OR51B5: variants seen among roughly 807,000 people sequenced by gnomAD.
The protein encoded by OR51B5 is olfactory receptor 51B5.
For synonymous variants in OR51B5, 186 were observed against 144.8 expected, an observed-to-expected ratio of 1.28 and a Z score of -2.04; for missense variants, 456 against 374.6, an observed-to-expected ratio of 1.22 and a Z score of -1.79.
rs1448786277 is a variant in OR51B5 at position 5,388,358 on chromosome 11, G to A, written n.85-41448C>T. On this transcript the variant is annotated intron_variant and non_coding_transcript_variant, in intron 1 of 4. Transcript: ENST00000415970. ...GGTAATTAGTGCATAGTGAACTACA[G>A]GAACACATAGGAGAGGGTATTCAAA... Among the ~76,000 whole-genome samples, 5 of 151,490 alleles carry A rather than the reference G, an allele frequency of 3.3e-5. 1 individual carries two copies. The highest frequency in any genetic ancestry group is 3.3e-4 in the Admixed American group (5 of 15,180).
intron 1 of OR51B5, chr11:5,441,212 G>C (rs1281700938): frequency 6.2e-7 from 1 of 1,613,876 alleles, no homozygotes; most frequent in Non-Finnish European, 8.5e-7. Context: ...AGAACATCTG[G>C]ACCAGGCAAG....
intron 1 of OR51B5, among the ~76,000 whole-genome samples, chr11:5,361,261 C>T (rs747175949): frequency 1.2e-4 from 19 of 152,168 alleles, no homozygotes; most frequent in African/African-American, 2.7e-4. Flanking sequence ...AATTCCCTAA[C>T]CTAGATGCAG....
chr11:5,366,228 G>C (rs1046619169), intron 1 of OR51B5, among the ~76,000 whole-genome samples: 4 of 152,094 alleles, frequency 2.6e-5, no homozygotes, highest in Non-Finnish European at 4.4e-5. Flanking sequence ...CAGTAGGAAA[G>C]TATAGAAGAC....
At chr11:5,340,637 A>G (rs914474319), downstream of OR51B5, 2 of 152,162 alleles carry the variant, frequency 1.3e-5, no homozygotes, top group African/African-American at 4.8e-5. Context: ...TAGGTACTAC[A>G]AGCATGACGG....
intron 1 of OR51B5, among the ~76,000 whole-genome samples, chr11:5,472,908 G>A (rs1469055501): frequency 6.6e-6 from 1 of 152,166 alleles, no homozygotes; most frequent in Non-Finnish European, 1.5e-5. Flanking sequence ...CAAATAAGGT[G>A]ACCATCCTTG....
At chr11:5,489,554 T>C in intron 1 of OR51B5, 1 of 1,614,012 alleles carries the variant, frequency 6.2e-7, no homozygotes, top group Non-Finnish European at 8.5e-7. Flanking sequence ...CTGGCTAATC[T>C]CTATGTGCTG....
At chr11:5,373,573 G>A (rs1849475605) in intron 1 of OR51B5, among the ~76,000 whole-genome samples, 1 of 152,084 alleles carries the variant, frequency 6.6e-6, no homozygotes, top group African/African-American at 2.4e-5. Context: ...TCCCTTTCCT[G>A]GTCAAGGAAA....
intron 1 of OR51B5, among the ~76,000 whole-genome samples, chr11:5,408,183 C>T (rs986817021): frequency 2.0e-5 from 3 of 152,124 alleles, no homozygotes; most frequent in African/African-American, 7.2e-5. Context: ...CAAGCTGCTT[C>T]ATCCATCTAT....
At chr11:5,478,397 C>T (rs980097922) in intron 1 of OR51B5, among the ~76,000 whole-genome samples, 16 of 150,908 alleles carry the variant, frequency 1.1e-4, no homozygotes, top group Non-Finnish European at 1.6e-4. Flanking sequence ...TAGATAAAAC[C>T]ACAAAGATGG....
intron 1 of OR51B5, among the ~76,000 whole-genome samples, chr11:5,480,751 A>C (rs1201416104): frequency 2.0e-5 from 3 of 149,636 alleles, no homozygotes. Context: ...TAAACTAGAA[A>C]ATCTAGAAGA....
At chr11:5,500,856 A>G (rs2133820363) in intron 1 of OR51B5, among the ~76,000 whole-genome samples, 1 of 148,330 alleles carries the variant, frequency 6.7e-6, no homozygotes, top group South Asian at 2.1e-4. Flanking sequence ...CTGTCATAGC[A>G]TGCATATCCC....
intron 1 of OR51B5, among the ~76,000 whole-genome samples, chr11:5,351,277 G>A (rs1849081030): frequency 6.6e-6 from 1 of 152,158 alleles, no homozygotes; most frequent in African/African-American, 2.4e-5. Context: ...CCCCAACGTA[G>A]TATCCAATAA....
chr11:5,461,174 T>C (rs1851043978), intron 1 of OR51B5, among the ~76,000 whole-genome samples: 1 of 152,118 alleles, frequency 6.6e-6, no homozygotes, highest in Non-Finnish European at 1.5e-5. Context: ...TGCATGCCAA[T>C]GGGATGACTG....
At chr11:5,365,937 C>A (rs927097104) in intron 1 of OR51B5, among the ~76,000 whole-genome samples, 24 of 152,180 alleles carry the variant, frequency 1.6e-4, no homozygotes, top group African/African-American at 5.3e-4. Context: ...ATGAAGGGGG[C>A]AGGCTCAGCA....
Position 5,417,293 on chromosome 11 carries a change from C to T in OR51B5, n.85-70383G>A, listed in dbSNP as rs1252625553. On this transcript the variant is annotated intron_variant and non_coding_transcript_variant, in intron 1 of 4. Transcript: ENST00000415970. ...AAATTAATTCAAGATGGATTAAAGA[C>T]TTAAACGTTAGACCTAAAACCATAA... Among the ~76,000 whole-genome samples, 32 of 149,942 alleles carry T rather than the reference C, an allele frequency of 2.1e-4. No homozygotes were observed. In the South Asian group the frequency reaches 6.2e-3, roughly 29 times the overall value.
chr11:5,466,700 C>G (rs1851143273), intron 1 of OR51B5, among the ~76,000 whole-genome samples: 1 of 152,192 alleles, frequency 6.6e-6, no homozygotes, highest in South Asian at 2.1e-4. Flanking sequence ...GTGGGATCCT[C>G]TGAAGGGAGA....
chr11:5,441,590 G>A (rs927222563), intron 1 of OR51B5: 9 of 1,094,046 alleles, frequency 8.2e-6, no homozygotes, highest in Middle Eastern at 3.0e-4. Context: ...CAGATATCCT[G>A]TCTCCAACAA....
At chr11:5,369,881 G>A (rs117159852) in intron 1 of OR51B5, among the ~76,000 whole-genome samples, 1 of 152,170 alleles carries the variant, frequency 6.6e-6, no homozygotes, top group Non-Finnish European at 1.5e-5. Context: ...GTTGTTAAAA[G>A]TGATGACCTC....
rs1018347269 is a variant in OR51B5, at chr11:5,432,878, G to A, written n.84+72691C>T. On this transcript the variant is annotated intron_variant and non_coding_transcript_variant, in intron 1 of 4. Coordinates refer to the OR51B5 transcript ENST00000415970. ...GTAAACTGTGGTCTGATCTAGGTTGGAGTCATCAGAAAGAACTGAGTTTTA... is the reference window on the plus strand; with the variant it reads ...GTAAACTGTGGTCTGATCTAGGTTGAAGTCATCAGAAAGAACTGAGTTTTA... Among the ~76,000 whole-genome samples the A allele has an allele frequency of 2.6e-5, 4 of 152,112 alleles. No homozygotes were observed. The East Asian group carries it at 7.7e-4, about 29-fold the overall frequency.
Sources: gnomAD v4.1 joint callset for allele counts (sites outside exome capture counted in the v4.1 genomes callset) on GRCh38, gnomAD v4.1.1 for gene constraint, MANE v1.5 for transcripts, NCBI Gene and HGNC (gene_info 2026-07-23, HGNC 2026-07-21) for gene names.